Variants in FAM114A2 observed in about 807,000 individuals in gnomAD.
The protein encoded by FAM114A2 is protein FAM114A2.
In FAM114A2, 53 loss-of-function variants were observed where a neutral mutation model predicts 58.4. That is an observed-to-expected ratio of 0.91 (90% CI 0.73 to 1.14). FAM114A2 has a LOEUF of 1.14. Among genes scored for constraint, FAM114A2 ranks in the 50% most tolerant of loss-of-function variants. The probability of loss-of-function intolerance (pLI) is 0.00; values close to 1 mark genes in which losing one functional copy is unlikely to be tolerated. For missense variants in FAM114A2, 601 were observed against 581.1 expected (o/e 1.03, Z -0.35); for synonymous variants, 228 against 211.4 (o/e 1.08, Z -0.68).
intron 1 of FAM114A2, chr5:154,036,145 T>G (rs2113524155): frequency 6.6e-6 from 1 of 152,342 alleles, no homozygotes; most frequent in South Asian, 2.1e-4. Context: ...CATTGGGCCT[T>G]TCAGAGCAAG....
rs1184106313 is a variant in FAM114A2 at position 153,990,423 on chromosome 5, T to C, written c.*2553A>G. The C allele has an allele frequency of 6.6e-6, 1 of 152,018 alleles. No individual in the cohort carries two copies. Among genetic ancestry groups the C allele is most frequent in the African/African-American group, 2.4e-5 (1 of 41,376 alleles). The allele number at this position is 152,018 out of a possible 1,614,324, so 9.4% of individuals were successfully genotyped here. On this transcript the variant is annotated 3_prime_UTR_variant, in exon 14 of 14. Transcript: ENST00000351797. ...CACATTTGTACACCTAGCACTGATT[T>C]CAGATTCATAGTAATGCCATCTATA... is the stretch of plus-strand genomic sequence containing the variant.
At chr5:154,031,506 A>C (rs972352194) in intron 4 of FAM114A2, among the ~76,000 whole-genome samples, 5 of 152,138 alleles carry the variant, frequency 3.3e-5, no homozygotes, top group African/African-American at 1.2e-4. Context: ...TACAAGACAC[A>C]TCCTTGGCAG....
chr5:154,038,543 CT>C (rs1271305801), intron 1 of FAM114A2: 1 of 152,202 alleles, frequency 6.6e-6, no homozygotes, highest in Non-Finnish European at 1.5e-5. Context: ...GGTTTGTATC[CT>C]ATCGTTATTA....
chr5:154,028,124 G>T, intron 6 of FAM114A2, 25 bp downstream of exon 6: 1 of 1,572,534 alleles, frequency 6.4e-7, no homozygotes, highest in Non-Finnish European at 8.6e-7. Context: ...GAAACAGGAA[G>T]TAAACAGGTA....
At chr5:154,033,645 G>T in intron 4 of FAM114A2, 146 bp downstream of exon 4, 1 of 572,740 alleles carries the variant, frequency 1.7e-6, no homozygotes, top group South Asian at 2.6e-5. Context: ...ATGTCTAATT[G>T]GGAACTAAAG....
chr5:154,003,845 T>G (rs1157294184), intron 9 of FAM114A2, among the ~76,000 whole-genome samples: 3 of 152,238 alleles, frequency 2.0e-5, no homozygotes, highest in Non-Finnish European at 4.4e-5. Context: ...TTAACTGCTG[T>G]GTAGTATTTC....
At chr5:154,028,815 G>A (rs747966895) in intron 5 of FAM114A2, among the ~76,000 whole-genome samples, 5 of 152,118 alleles carry the variant, frequency 3.3e-5, no homozygotes, top group Non-Finnish European at 7.4e-5. Context: ...AACCTATGAT[G>A]GTGGAAGTCA....
Position 153,992,864 on chromosome 5 carries a change from C to A in FAM114A2, c.*112G>T. 1 of 927,226 alleles carries A rather than the reference C, an allele frequency of 1.1e-6. No individual in the cohort carries two copies. Among genetic ancestry groups the A allele is most frequent in the South Asian group, 2.2e-5 (1 of 46,202 alleles). The allele number at this position is 927,226 out of a possible 1,614,324, so 57.4% of individuals were successfully genotyped here. ...CTTCCTCTTTAAACCATCTCTCCTG[C>A]CTGAATTTTTATATACTAAAATAAC... On this transcript the variant is annotated 3_prime_UTR_variant, in exon 14 of 14. Coordinates refer to ENST00000351797, the MANE Select transcript of FAM114A2 (RefSeq NM_018691.4).
intron 8 of FAM114A2, among the ~76,000 whole-genome samples, chr5:154,019,830 T>A (rs893847212): frequency 6.6e-6 from 1 of 151,860 alleles, no homozygotes; most frequent in African/African-American, 2.4e-5. Flanking sequence ...GCTAGCCACA[T>A]GTAGGAGAAT....
In FAM114A2 at chr5:154,027,241, CAA is replaced by C. The variant is rs771904066; in HGVS notation, c.722_723del (p.Phe241Ter). 6.2e-7 allele frequency: 1 copy of C among 1,613,452 alleles called. No homozygotes were observed. Among genetic ancestry groups the C allele is most frequent in the Non-Finnish European group, 8.5e-7 (1 of 1,179,618 alleles). On this transcript the variant is annotated frameshift_variant, in exon 7 of 14. Transcript: ENST00000351797. LOFTEE classifies it high-confidence loss of function. ...TDKKTHYGLLFDEFQGLSHLE... is the reference protein window; with the variant it reads ...TDKKTHYGLLXDEFQGLSHLE... ...AGATGTGAAAGGCCTTGAAATTCATCAAAGAGTAGCCCATAATGAGTTTTCTT... is the reference window on the plus strand; with the variant it reads ...AGATGTGAAAGGCCTTGAAATTCATCAGAGTAGCCCATAATGAGTTTTCTT...
In FAM114A2 at chr5:153,993,120, T is replaced by G; in HGVS notation, c.1384-10A>C. On this transcript the variant is annotated splice_polypyrimidine_tract_variant and intron_variant, in intron 13 of 13. Coordinates refer to ENST00000351797, the MANE Select transcript of FAM114A2 (RefSeq NM_018691.4). ...AGGCACTGTTTGATGCCTGCCAGGA[T>G]TGAAAAAACAAGAAAAAGAAAATAT... The G allele has an allele frequency of 1.3e-6, 2 of 1,597,170 alleles. No individual in the cohort carries two copies. The highest frequency in any genetic ancestry group is 1.7e-6 in the Non-Finnish European group (2 of 1,172,812).
chr5:154,027,322 C>T lies in FAM114A2; in HGVS notation c.643G>A (p.Ala215Thr). Residue 215 changes from alanine to threonine, a missense_variant, in exon 7 of 14, where the codon GCG becomes ACG. By Grantham distance (58) the Ala-to-Thr change is moderately conservative. Coordinates refer to ENST00000351797, the MANE Select transcript of FAM114A2 (RefSeq NM_018691.4). ...NATLSQVLRE[A>T]KEKEEIRTSN... ...GTCCGTATCTCTTCTTTCTCCTTCG[C>T]CTCTCGTAAAACCTAAAAAGAGATG... The T allele has an allele frequency of 1.2e-6, 2 of 1,611,106 alleles. No homozygotes were observed. Among genetic ancestry groups the T allele is most frequent in the Non-Finnish European group, 1.7e-6 (2 of 1,179,028 alleles).
chr5:154,013,117 G>A (rs1421609476), intron 8 of FAM114A2, among the ~76,000 whole-genome samples: 1 of 152,066 alleles, frequency 6.6e-6, no homozygotes, highest in African/African-American at 2.4e-5. Flanking sequence ...ACACTGCTTA[G>A]AGTTGTGATA....
In FAM114A2 at chr5:153,993,120, T is replaced by A; in HGVS notation, c.1384-10A>T. The A allele has an allele frequency of 6.3e-7, 1 of 1,597,170 alleles. No individual in the cohort carries two copies. Among genetic ancestry groups the A allele is most frequent in the Non-Finnish European group, 8.5e-7 (1 of 1,172,812 alleles). ...AGGCACTGTTTGATGCCTGCCAGGA[T>A]TGAAAAAACAAGAAAAAGAAAATAT... On this transcript the variant is annotated splice_polypyrimidine_tract_variant and intron_variant, in intron 13 of 13. Coordinates refer to ENST00000351797, the MANE Select transcript of FAM114A2 (RefSeq NM_018691.4).
intron 11 of FAM114A2, among the ~76,000 whole-genome samples, chr5:154,000,148 A>T (rs1769883353): frequency 6.6e-6 from 1 of 152,188 alleles, no homozygotes; most frequent in Admixed American, 6.5e-5. Context: ...AAAAAACATG[A>T]TCTTACGGAA....
rs1769228827 is a variant in FAM114A2 at position 153,991,062 on chromosome 5, T to C, written c.*1914A>G. The C allele has an allele frequency of 6.6e-6, 1 of 150,452 alleles. No homozygotes were observed. The highest frequency in any genetic ancestry group is 2.5e-5 in the African/African-American group (1 of 40,788). The allele number at this position is 150,452 out of a possible 1,614,324, so 9.3% of individuals were successfully genotyped here. On this transcript the variant is annotated 3_prime_UTR_variant, in exon 14 of 14. Transcript: ENST00000351797. The stretch of plus-strand genomic sequence containing the variant: ...GGGCCTTTCATCATTTCACTAGTGG[T>C]CCCTAACTCCATTAAAATAAATAAA...
At chr5:154,006,691 A>C (rs1770368123) in intron 9 of FAM114A2, among the ~76,000 whole-genome samples, 1 of 152,192 alleles carries the variant, frequency 6.6e-6, no homozygotes, top group Non-Finnish European at 1.5e-5. Flanking sequence ...AAATTGAGTA[A>C]AAAAATGAAG....
At chr5:154,007,464 A>G (rs796947872) in intron 9 of FAM114A2, among the ~76,000 whole-genome samples, 8 of 152,328 alleles carry the variant, frequency 5.3e-5, no homozygotes, top group African/African-American at 1.9e-4. Context: ...CCTACATCAC[A>G]GCCTGCCATA....
chr5:153,995,885 C>CT (rs1216130090), intron 12 of FAM114A2, among the ~76,000 whole-genome samples: 5 of 152,138 alleles, frequency 3.3e-5, no homozygotes, highest in Non-Finnish European at 5.9e-5. Context: ...CTGCCATAGT[C>CT]TAAGTACAGA....
Sources: gnomAD v4.1 joint callset for allele counts (sites outside exome capture counted in the v4.1 genomes callset) on GRCh38, gnomAD v4.1.1 for gene constraint, MANE v1.5 for transcripts, NCBI Gene and HGNC (gene_info 2026-07-23, HGNC 2026-07-21) for gene names.